Variants in PHACTR2 observed in about 807,000 individuals in gnomAD.
PHACTR2 encodes chromosome 6 open reading frame 56.
A neutral mutation model predicts 76.0 loss-of-function variants in PHACTR2; 30 were observed. The ratio of observed to expected loss-of-function variants is 0.39; its 90% CI spans 0.30 to 0.54. The LOEUF is 0.54. PHACTR2 is among the 20% of genes least tolerant of loss of function. The pLI, the probability that PHACTR2 is intolerant of heterozygous loss-of-function variation, is 0.61. For synonymous variants in PHACTR2, 292 were observed against 292.5 expected (o/e 1.00, Z 0.02); for missense variants, 696 against 781.1 (o/e 0.89, Z 1.30).
intron 1 of PHACTR2, among the ~76,000 whole-genome samples, chr6:143,661,667 C>A (rs1238824426): frequency 1.3e-5 from 2 of 151,412 alleles, no homozygotes; most frequent in Non-Finnish European, 2.9e-5. Flanking sequence ...CAAAGGGAAG[C>A]TACTCAACCT....
In PHACTR2 at chr6:143,772,548, G is replaced by A. The variant is rs986973548; in HGVS notation, c.1432+91G>A. 28 of 856,242 alleles carry A rather than the reference G, an allele frequency of 3.3e-5. No homozygotes were observed. Among genetic ancestry groups the A allele is most frequent in the Non-Finnish European group, 5.2e-5 (28 of 533,820 alleles). The allele number at this position is 856,242 out of a possible 1,614,324, so 53.0% of individuals were successfully genotyped here. ...AGAATAAAAGCCTCATTAGGAACCA[G>A]ACATCTGATGTTTTCTTTCCCCTCA... On this transcript the variant is annotated intron_variant, in intron 7 of 12. Coordinates refer to ENST00000440869, the MANE Select transcript of PHACTR2 (RefSeq NM_001100164.2). The surrounding 1 kb of genome is among the most constrained non-coding windows in gnomAD (Gnocchi z 5.4).
chr6:143,553,984 C>A lies in PHACTR2; in HGVS notation c.217+16777C>A. On this transcript the variant is annotated intron_variant, in intron 1 of 11. Transcript: ENST00000367584. The surrounding 1 kb of genome is among the most constrained non-coding windows in gnomAD (Gnocchi z 4.2). ...AAGGCCCCAAGGAACAGAAAAGAAT[C>A]CCGGGTTGGGCCCCTGTAGACCACC... 6.6e-6 allele frequency among the ~76,000 whole-genome samples: 1 copy of A among 152,272 alleles called. No homozygotes were observed. Among genetic ancestry groups the A allele is most frequent in the South Asian group, 2.1e-4 (1 of 4,822 alleles).
At chr6:143,808,734 T>A (rs754352888) in intron 12 of PHACTR2, among the ~76,000 whole-genome samples, 1 of 152,138 alleles carries the variant, frequency 6.6e-6, no homozygotes, top group Non-Finnish European at 1.5e-5. Context: ...TCCTCCTATA[T>A]CATTTGTTTT....
chr6:143,586,392 T>G (rs1775629884), intron 1 of PHACTR2, among the ~76,000 whole-genome samples: 1 of 152,244 alleles, frequency 6.6e-6, no homozygotes, highest in Admixed American at 6.5e-5. Context: ...CACAAATTAT[T>G]TTTGTCCATG....
At chr6:143,563,396 C>CTACCAAAAA (rs112756803) in intron 1 of PHACTR2, among the ~76,000 whole-genome samples, 2 of 150,980 alleles carry the variant, frequency 1.3e-5, no homozygotes, top group African/African-American at 4.9e-5. Flanking sequence ...AACCGCATCT[C>CTACCAAAAA]TACGAAAAAT....
upstream of PHACTR2, among the ~76,000 whole-genome samples, chr6:143,603,820 T>C (rs140042128): frequency 9.4e-4 from 143 of 152,244 alleles, 1 homozygote; most frequent in Non-Finnish European, 1.8e-3. Context: ...GATTTTCAGC[T>C]GGGTGGGGTG....
In PHACTR2 at chr6:143,622,877, C is replaced by A. The variant is rs952507637; in HGVS notation, c.13+14555C>A. Among the ~76,000 whole-genome samples the A allele has an allele frequency of 1.4e-4, 21 of 152,036 alleles. No individual in the cohort carries two copies. The South Asian group carries it at 4.0e-3, about 29-fold the overall frequency. ...GATTATCTCATGAAGGAAGATGTAC[C>A]ATATACTTTAAAAAAATGTTCTCAA... On this transcript the variant is annotated intron_variant, in intron 1 of 11. Coordinates refer to the PHACTR2 transcript ENST00000305766.
At chr6:143,594,349 CTA>C (rs1365561467) in intron 1 of PHACTR2, among the ~76,000 whole-genome samples, 4 of 152,206 alleles carry the variant, frequency 2.6e-5, no homozygotes, top group Non-Finnish European at 4.4e-5. Context: ...CCCCACCACA[CTA>C]TGATGTCTCA....
At chr6:143,655,099 G>T (rs1056867075) in intron 1 of PHACTR2, among the ~76,000 whole-genome samples, 13 of 150,180 alleles carry the variant, frequency 8.7e-5, no homozygotes, top group Non-Finnish European at 1.6e-4. Flanking sequence ...GGAGGTTGCG[G>T]TGAGCCGAGA....
chr6:143,642,940 A>C (rs1380952885), intron 1 of PHACTR2, among the ~76,000 whole-genome samples: 1 of 152,328 alleles, frequency 6.6e-6, no homozygotes, highest in East Asian at 1.9e-4. Flanking sequence ...TAACCCTAGC[A>C]TACTAATAGT....
chr6:143,553,597 T>C lies in PHACTR2; in HGVS notation c.217+16390T>C, dbSNP rs1405527278. Among the ~76,000 whole-genome samples the C allele has an allele frequency of 6.6e-6, 1 of 152,024 alleles. No individual in the cohort carries two copies. The highest frequency in any genetic ancestry group is 1.5e-5 in the Non-Finnish European group (1 of 67,994). ...GTTTTCTCAGACAGGCACTTTAAGG[T>C]GAGTTAAGGTCATTCTAGAGATGCA... On this transcript the variant is annotated intron_variant, in intron 1 of 11. Coordinates refer to the PHACTR2 transcript ENST00000367584. This position sits in a 1 kb window ranked among gnomAD's most constrained non-coding sequence, Gnocchi z 4.2.
intron 2 of PHACTR2, among the ~76,000 whole-genome samples, chr6:143,728,847 A>G (rs957621863): frequency 2.0e-5 from 3 of 152,186 alleles, no homozygotes; most frequent in Admixed American, 2.0e-4. Flanking sequence ...AAAATGGATT[A>G]AAGACTTAAA....
chr6:143,662,675 G>C lies in PHACTR2; in HGVS notation c.14-49341G>C, dbSNP rs142542104. Among the ~76,000 whole-genome samples, 40 of 152,240 alleles carry C rather than the reference G, an allele frequency of 2.6e-4. No individual in the cohort carries two copies. Among genetic ancestry groups the C allele is most frequent in the African/African-American group, 8.7e-4 (36 of 41,522 alleles). The stretch of plus-strand genomic sequence containing the variant: ...ATGTTTCAGTTCTTATGACTACCAG[G>C]CAGTTTTGTTTTTCATCTTGAATTG... On this transcript the variant is annotated intron_variant, in intron 1 of 11. Transcript: ENST00000305766. This position sits in a 1 kb window ranked among gnomAD's most constrained non-coding sequence, Gnocchi z 4.7.
In PHACTR2 at chr6:143,653,156, G is replaced by A. The variant is rs1200137475; in HGVS notation, c.13+44834G>A. 3.3e-5 allele frequency among the ~76,000 whole-genome samples: 5 copies of A among 152,116 alleles called. No homozygotes were observed. The East Asian group carries it at 7.7e-4, about 23-fold the overall frequency. On this transcript the variant is annotated intron_variant, in intron 1 of 11. Transcript: ENST00000305766. This position sits in a 1 kb window ranked among gnomAD's most constrained non-coding sequence, Gnocchi z 4.9. ...GAAGTAATCCTAATCATTGAACTTTGGCCCTCTGGAAACAAGGCCAGTCGC... is the reference window on the plus strand; with the variant it reads ...GAAGTAATCCTAATCATTGAACTTTAGCCCTCTGGAAACAAGGCCAGTCGC...
chr6:143,715,781 C>G (rs1014673092), intron 2 of PHACTR2, among the ~76,000 whole-genome samples: 3 of 152,204 alleles, frequency 2.0e-5, no homozygotes, highest in African/African-American at 7.2e-5. Flanking sequence ...CTTCCTTTGG[C>G]ATCCAGACTT....
At position 143,823,675 on chromosome 6, in the gene PHACTR2, T is replaced by C; in HGVS notation, c.1924T>C (p.Phe642Leu). 6.2e-7 allele frequency: 1 copy of C among 1,611,744 alleles called. No homozygotes were observed. Among genetic ancestry groups the C allele is most frequent in the Non-Finnish European group, 8.5e-7 (1 of 1,177,916 alleles). Residue 642 changes from phenylalanine to leucine, a missense_variant and splice_region_variant, in exon 13 of 13, where the codon TTT becomes CTT. Physicochemically the swap from Phe to Leu is conservative, Grantham distance 22 (BLOSUM62 0). Around this residue, in one of 2 missense-constraint regions of PHACTR2, gnomAD observed 236 missense variants for 330.2 expected, o/e 0.71. Coordinates refer to ENST00000440869, the MANE Select transcript of PHACTR2 (RefSeq NM_001100164.2). This position sits in a 1 kb window ranked among gnomAD's most constrained non-coding sequence, Gnocchi z 5.7. ...TATAGTTTCTATTTCTTACTCCAGG[T>C]TTCATCGTCCATAACGAAGAGTGAG... ...VHEESRQFTRFHRP is the reference protein window; with the variant it reads ...VHEESRQFTRLHRP
In PHACTR2 at chr6:143,556,499, G is replaced by GT; in HGVS notation, c.217+19293dup. On this transcript the variant is annotated intron_variant, in intron 1 of 11. Transcript: ENST00000367584. The surrounding 1 kb of genome is among the most constrained non-coding windows in gnomAD (Gnocchi z 4.3). The stretch of plus-strand genomic sequence containing the variant: ...AACCAGAAAGTACATTCATAACTCC[G>GT]TATGTCAAACTAGAGAGAGGAAAGT... Among the ~76,000 whole-genome samples the GT allele has an allele frequency of 6.6e-6, 1 of 152,262 alleles. No individual in the cohort carries two copies. The highest frequency in any genetic ancestry group is 1.9e-4 in the East Asian group (1 of 5,188).
At chr6:143,614,444 C>G (rs1776030307) in intron 1 of PHACTR2, among the ~76,000 whole-genome samples, 1 of 152,210 alleles carries the variant, frequency 6.6e-6, no homozygotes. Context: ...TATTCTTCCT[C>G]TCCGGAGTTC....
At position 143,795,374 on chromosome 6, in the gene PHACTR2, A is replaced by C. The variant is rs990487469; in HGVS notation, c.1845+6464A>C. Among the ~76,000 whole-genome samples the C allele has an allele frequency of 1.3e-5, 2 of 152,214 alleles. No individual in the cohort carries two copies. The highest frequency in any genetic ancestry group is 2.9e-5 in the Non-Finnish European group (2 of 68,034). The stretch of plus-strand genomic sequence containing the variant: ...GACTGCAATGAGCTGTGATTGTGCC[A>C]CTGCACTGCAGCCTGGGCAACAGAA... On this transcript the variant is annotated intron_variant, in intron 11 of 12. Coordinates refer to ENST00000440869, the MANE Select transcript of PHACTR2 (RefSeq NM_001100164.2). The surrounding 1 kb of genome is among the most constrained non-coding windows in gnomAD (Gnocchi z 4.8).
Sources: gnomAD v4.1 joint callset for allele counts (sites outside exome capture counted in the v4.1 genomes callset) on GRCh38, gnomAD v4.1.1 for gene constraint, gnomAD v4.1.1 regional missense constraint, Gnocchi (gnomAD v3.1) non-coding constraint, MANE v1.5 for transcripts, NCBI Gene and HGNC (gene_info 2026-07-23, HGNC 2026-07-21) for gene names.